Variants in CHST11 observed in about 807,000 individuals in gnomAD.
CHST11 encodes C4S-1.
A neutral mutation model predicts 30.4 loss-of-function variants in CHST11; 9 were observed. The ratio of observed to expected loss-of-function variants is 0.30; its 90% confidence interval spans 0.18 to 0.52. The LOEUF is 0.52. Ranked by LOEUF, CHST11 falls within the 20% of genes least tolerant of loss-of-function variation. The probability of loss-of-function intolerance (pLI) is 0.97; values close to 1 mark genes in which losing one functional copy is unlikely to be tolerated. For synonymous variants in CHST11, 152 were observed against 187.8 expected (o/e 0.81, Z 1.56); for missense variants, 348 against 460.6 (o/e 0.76, Z 2.24).
At chr12:104,501,701 C>T (rs2037855491) in intron 1 of CHST11, among the ~76,000 whole-genome samples, 1 of 152,326 alleles carries the variant, frequency 6.6e-6, no homozygotes, top group South Asian at 2.1e-4. Flanking sequence ...AGAAAATGAA[C>T]TCATGAGTTA....
At chr12:104,504,103 C>A (rs1361724000) in intron 1 of CHST11, among the ~76,000 whole-genome samples, 1 of 152,192 alleles carries the variant, frequency 6.6e-6, no homozygotes, top group Non-Finnish European at 1.5e-5. Context: ...CATTCTCACT[C>A]TCTAGGTCTT....
intron 1 of CHST11, among the ~76,000 whole-genome samples, chr12:104,494,603 G>A (rs980721111): frequency 4.6e-5 from 7 of 152,144 alleles, no homozygotes; most frequent in Non-Finnish European, 7.3e-5. Flanking sequence ...GCTGACTGCC[G>A]AGGATGGGTT....
intron 1 of CHST11, among the ~76,000 whole-genome samples, chr12:104,580,176 T>A (rs1194437798): frequency 6.6e-6 from 1 of 152,170 alleles, no homozygotes; most frequent in African/African-American, 2.4e-5. Flanking sequence ...ATTTGGGGAA[T>A]GGGGGATAGA....
At chr12:104,606,664 TTC>T (rs1388492680) in intron 2 of CHST11, among the ~76,000 whole-genome samples, 1 of 152,190 alleles carries the variant, frequency 6.6e-6, no homozygotes, top group Non-Finnish European at 1.5e-5. Context: ...TTCCTTGAGA[TTC>T]TCTTTCCCAG....
At chr12:104,734,712 A>G (rs754700868) in intron 2 of CHST11, among the ~76,000 whole-genome samples, 34 of 152,174 alleles carry the variant, frequency 2.2e-4, no homozygotes, top group Non-Finnish European at 4.0e-4. Flanking sequence ...CTTTCCTGGT[A>G]GGCACTCAGG....
intron 2 of CHST11, among the ~76,000 whole-genome samples, chr12:104,604,855 C>A (rs1201173761): frequency 6.6e-6 from 1 of 152,116 alleles, no homozygotes; most frequent in African/African-American, 2.4e-5. Context: ...AAGAAGATGT[C>A]ATCTTAGTTA....
At chr12:104,575,517 G>C (rs1460899708) in intron 1 of CHST11, among the ~76,000 whole-genome samples, 1 of 152,182 alleles carries the variant, frequency 6.6e-6, no homozygotes, top group Non-Finnish European at 1.5e-5. Context: ...TGATAATCCG[G>C]GTGAAGGGGG....
intron 2 of CHST11, among the ~76,000 whole-genome samples, chr12:104,620,016 C>G (rs930066151): frequency 1.3e-5 from 2 of 152,162 alleles, no homozygotes; most frequent in Non-Finnish European, 2.9e-5. Context: ...TTGTCATTCC[C>G]GGTGAGCCTT....
chr12:104,757,906 T>G lies in CHST11; in HGVS notation c.*103T>G. The G allele has an allele frequency of 8.2e-7, 1 of 1,221,808 alleles. No homozygotes were observed. The highest frequency in any genetic ancestry group is 2.4e-5 in the Admixed American group (1 of 42,150). 75.7% of individuals were successfully genotyped at this position (1,221,808 alleles called of 1,614,324 possible). Reference sequence around the variant, plus strand: ...GTTATTTTGTAAATTAATATTTCTTTGGGGATGATGCTGCGAGCAGCATAG... The same window carrying G: ...GTTATTTTGTAAATTAATATTTCTTGGGGGATGATGCTGCGAGCAGCATAG... On this transcript the variant is annotated 3_prime_UTR_variant, in exon 3 of 3. Transcript: ENST00000303694. This position sits in a 1 kb window ranked among gnomAD's most constrained non-coding sequence, Gnocchi z 6.5.
Position 104,544,722 on chromosome 12 carries a change from AG to A in CHST11, c.119-57183del, listed in dbSNP as rs71069764. ...ACTTGGTCTAAAAAAAAAAAAAAAAAGAAATCAGAAATTTGAGCAGTCAATG... is the reference window on the plus strand; with the variant it reads ...ACTTGGTCTAAAAAAAAAAAAAAAAAAAATCAGAAATTTGAGCAGTCAATG... On this transcript the variant is annotated intron_variant, in intron 1 of 2. Transcript: ENST00000303694. 2.5e-4 allele frequency among the ~76,000 whole-genome samples: 29 copies of A among 115,968 alleles called. 1 individual carries two copies. Among genetic ancestry groups the A allele is most frequent in the South Asian group, 1.0e-3 (3 of 2,950 alleles). The allele number at this position is 115,968 out of a possible 152,430, so 76.1% of individuals were successfully genotyped here.
At chr12:104,683,726 C>T (rs367715590) in intron 2 of CHST11, among the ~76,000 whole-genome samples, 376 of 152,236 alleles carry the variant, frequency 2.5e-3, no homozygotes, top group African/African-American at 8.7e-3. Context: ...TGAATTGTAT[C>T]AATTGTTACA....
intron 1 of CHST11, among the ~76,000 whole-genome samples, chr12:104,502,476 A>G (rs1324386404): frequency 6.6e-6 from 1 of 152,160 alleles, no homozygotes; most frequent in Non-Finnish European, 1.5e-5. Context: ...AAAAAAAGTC[A>G]TCTCCTCAGA....
At chr12:104,636,889 C>G (rs1592808330) in intron 2 of CHST11, among the ~76,000 whole-genome samples, 1 of 151,918 alleles carries the variant, frequency 6.6e-6, no homozygotes, top group African/African-American at 2.4e-5. Context: ...TTTTGCACCC[C>G]TGTACTGGAA....
At chr12:104,607,614 C>T (rs1014407970) in intron 2 of CHST11, among the ~76,000 whole-genome samples, 2 of 152,116 alleles carry the variant, frequency 1.3e-5, no homozygotes, top group African/African-American at 4.8e-5. Context: ...AGAAGAGAGA[C>T]AGCATCACAG....
chr12:104,530,596 A>G (rs2038173555), intron 1 of CHST11, among the ~76,000 whole-genome samples: 1 of 152,248 alleles, frequency 6.6e-6, no homozygotes. Flanking sequence ...GGAAAAGGTG[A>G]CGGAAGGAAG....
chr12:104,597,786 A>G (rs7313632), intron 1 of CHST11, among the ~76,000 whole-genome samples: 66,749 of 151,666 alleles, frequency 0.44, 15,813 homozygotes, highest in East Asian at 0.69. Context: ...ATCCTGTTGT[A>G]TTTTGGACTT....
chr12:104,560,742 C>G (rs2038505491), intron 1 of CHST11, among the ~76,000 whole-genome samples: 3 of 152,124 alleles, frequency 2.0e-5, no homozygotes, highest in Non-Finnish European at 1.5e-5. Context: ...ATCTGAAAAC[C>G]CTTTGCAAAC....
chr12:104,702,004 T>C (rs967802789), intron 2 of CHST11, among the ~76,000 whole-genome samples: 1 of 152,218 alleles, frequency 6.6e-6, no homozygotes, highest in Non-Finnish European at 1.5e-5. Context: ...CCTCACAGGT[T>C]CATGTGAGCT....
chr12:104,667,360 A>T (rs1381299311), intron 2 of CHST11, among the ~76,000 whole-genome samples: 2 of 152,150 alleles, frequency 1.3e-5, no homozygotes, highest in Non-Finnish European at 2.9e-5. Flanking sequence ...GTTCCAGATT[A>T]CACACCAAGG....
Sources: allele counts gnomAD v4.1 joint callset (sites outside exome capture counted in the v4.1 genomes callset), GRCh38; gene constraint gnomAD v4.1.1; non-coding constraint Gnocchi (gnomAD v3.1); transcripts MANE v1.5; gene names NCBI Gene and HGNC (gene_info 2026-07-23, HGNC 2026-07-21).